PTPRM: variants seen among roughly 807,000 people sequenced by gnomAD.
PTPRM encodes protein tyrosine phosphatase receptor type M.
In PTPRM, 47 loss-of-function variants were observed where a neutral mutation model predicts 186.7. That is an observed-to-expected ratio of 0.25 (90% CI 0.20 to 0.32). The LOEUF is 0.32. PTPRM is among the 10% of genes least tolerant of loss of function. The pLI, the probability that PTPRM is intolerant of heterozygous loss-of-function variation, is 1.00. For missense variants in PTPRM, 1,494 were observed against 1,865.0 expected (o/e 0.80, Z 3.66); for synonymous variants, 668 against 674.9 (o/e 0.99, Z 0.16).
chr18:8,387,503 G>A (rs1362924301), intron 31 of PTPRM, among the ~76,000 whole-genome samples: 2 of 149,724 alleles, frequency 1.3e-5, no homozygotes. Flanking sequence ...ACTGCCAAGA[G>A]GAAAAAAAAA....
At chr18:8,351,203 T>C (rs1029978997) in intron 23 of PTPRM, among the ~76,000 whole-genome samples, 2 of 152,208 alleles carry the variant, frequency 1.3e-5, no homozygotes, top group Admixed American at 6.5e-5. Flanking sequence ...ACTGGCTATT[T>C]TATCTCCCTC....
chr18:7,941,163 G>A (rs1424718653), intron 5 of PTPRM, among the ~76,000 whole-genome samples: 2 of 152,086 alleles, frequency 1.3e-5, no homozygotes, highest in Admixed American at 6.5e-5. Context: ...GACTAGCCTG[G>A]TCTCCAGCTC....
chr18:8,166,358 C>T (rs1252852954), intron 14 of PTPRM, among the ~76,000 whole-genome samples: 6 of 152,118 alleles, frequency 3.9e-5, no homozygotes, highest in African/African-American at 1.4e-4. Context: ...TGAAGAAGAC[C>T]ATGCCCAGAG....
At chr18:7,583,366 C>T (rs753734310) in intron 1 of PTPRM, among the ~76,000 whole-genome samples, 3 of 152,194 alleles carry the variant, frequency 2.0e-5, no homozygotes, top group Non-Finnish European at 4.4e-5. Flanking sequence ...GGCCTCAACA[C>T]ATTTCAGGAT....
intron 14 of PTPRM, among the ~76,000 whole-genome samples, chr18:8,175,848 A>G (rs180746800): frequency 6.2e-4 from 94 of 152,298 alleles, no homozygotes; most frequent in Non-Finnish European, 1.1e-3. Flanking sequence ...TCACCGGCAG[A>G]GAATTAGGTT....
At chr18:8,341,805 A>G (rs1161410518) in intron 22 of PTPRM, among the ~76,000 whole-genome samples, 2 of 152,180 alleles carry the variant, frequency 1.3e-5, no homozygotes, top group African/African-American at 4.8e-5. Context: ...ACCTCTCTGC[A>G]AGCCAGAACT....
In PTPRM at chr18:7,812,721, G is replaced by GT. The variant is rs56916348; in HGVS notation, c.196+38465dup. The stretch of plus-strand genomic sequence containing the variant: ...AATGTTGAAAACTGAGACTTGGAAA[G>GT]TTTTTTTTTTTTTTTCTTTGACAGC... On this transcript the variant is annotated intron_variant, in intron 2 of 32. Coordinates refer to ENST00000580170, the MANE Select transcript of PTPRM (RefSeq NM_001105244.2). Among the ~76,000 whole-genome samples, 962 of 144,840 alleles carry GT rather than the reference G, an allele frequency of 6.6e-3. 1 individual carries two copies. Among genetic ancestry groups the GT allele is most frequent in the Non-Finnish European group, 7.6e-3 (494 of 65,382 alleles).
At position 7,938,402 on chromosome 18, in the gene PTPRM, C is replaced by G. The variant is rs1203060970; in HGVS notation, c.664-10779C>G. Among the ~76,000 whole-genome samples the G allele has an allele frequency of 1.3e-4, 20 of 152,190 alleles. 1 individual carries two copies. The highest frequency in any genetic ancestry group is 4.4e-5 in the Non-Finnish European group (3 of 68,032). On this transcript the variant is annotated intron_variant, in intron 5 of 32. Transcript: ENST00000580170. Reference sequence around the variant, plus strand: ...TTTAGATCATGTTTGAGAGGTAGCACAAGCACTGCCACTCTCCCCATACTA... The same window carrying G: ...TTTAGATCATGTTTGAGAGGTAGCAGAAGCACTGCCACTCTCCCCATACTA...
At chr18:8,170,421 TTTG>T (rs1367121744) in intron 14 of PTPRM, among the ~76,000 whole-genome samples, 3 of 152,008 alleles carry the variant, frequency 2.0e-5, no homozygotes, top group African/African-American at 7.2e-5. Context: ...GAGCTGAGCG[TTTG>T]TTGTTATTAA....
At chr18:7,801,226 A>G (rs2043950135) in intron 2 of PTPRM, among the ~76,000 whole-genome samples, 2 of 111,730 alleles carry the variant, frequency 1.8e-5, no homozygotes, top group Admixed American at 2.3e-4. Flanking sequence ...TTAAAACACA[A>G]ACATACAGCT....
rs2036459628 is a variant in PTPRM, at chr18:7,567,750, C to T, written c.-69C>T. 4 of 1,396,936 alleles carry T rather than the reference C, an allele frequency of 2.9e-6. No homozygotes were observed. The highest frequency in any genetic ancestry group is 2.8e-5 in the East Asian group (1 of 36,060). The allele number at this position is 1,396,936 out of a possible 1,614,324, so 86.5% of individuals were successfully genotyped here. On this transcript the variant is annotated 5_prime_UTR_variant, in exon 1 of 33. Transcript: ENST00000580170. This position sits in a 1 kb window ranked among gnomAD's most constrained non-coding sequence, Gnocchi z 4.3. ...TCCTCGCTGCCTCGGAACCAAAGCT[C>T]CCGGCCCCCTCCGCCCTCGCGCGCC...
intron 1 of PTPRM, among the ~76,000 whole-genome samples, chr18:7,637,529 T>C (rs1230309563): frequency 6.6e-6 from 1 of 152,236 alleles, no homozygotes; most frequent in Non-Finnish European, 1.5e-5. Flanking sequence ...AACAAATATT[T>C]ATTAGGCATC....
chr18:7,854,795 GT>G (rs1313493346), intron 2 of PTPRM, among the ~76,000 whole-genome samples: 5 of 148,080 alleles, frequency 3.4e-5, no homozygotes, highest in Admixed American at 2.0e-4. Flanking sequence ...TGACCTAGAA[GT>G]TTTCTGTGTA....
intron 2 of PTPRM, among the ~76,000 whole-genome samples, chr18:7,840,409 G>A (rs940980490): frequency 3.9e-5 from 6 of 152,156 alleles, no homozygotes; most frequent in African/African-American, 9.7e-5. Flanking sequence ...AAGGTGATTA[G>A]GCAAATTCTT....
rs373402318 is a variant in PTPRM, at chr18:7,663,894, C to T, written c.73+96003C>T. 2.0e-4 allele frequency among the ~76,000 whole-genome samples: 30 copies of T among 152,236 alleles called. 1 individual carries two copies. Among genetic ancestry groups the T allele is most frequent in the East Asian group, 1.9e-3 (10 of 5,168 alleles). On this transcript the variant is annotated intron_variant, in intron 1 of 32. Transcript: ENST00000580170. ...GACTAGCTGCCAGGTCCCTCTGCCC[C>T]CCTCCAGCCCCAGGACAGATGACTC...
At chr18:8,333,512 C>A (rs1226227576) in intron 22 of PTPRM, among the ~76,000 whole-genome samples, 1 of 152,126 alleles carries the variant, frequency 6.6e-6, no homozygotes, top group Non-Finnish European at 1.5e-5. Context: ...TCACATAAAG[C>A]TTTATAATAA....
At chr18:8,176,572 C>G (rs900852641) in intron 14 of PTPRM, among the ~76,000 whole-genome samples, 1 of 152,192 alleles carries the variant, frequency 6.6e-6, no homozygotes, top group Non-Finnish European at 1.5e-5. Flanking sequence ...AAAGAAAGTT[C>G]TCTGTTAATA....
chr18:7,772,264 C>CTT (rs1555673235), intron 1 of PTPRM, among the ~76,000 whole-genome samples: 1 of 151,304 alleles, frequency 6.6e-6, no homozygotes, highest in African/African-American at 2.4e-5. Flanking sequence ...CTTTTCTTTT[C>CTT]TTTTCTTTTC....
At chr18:8,187,328 T>A (rs2093655606) in intron 14 of PTPRM, among the ~76,000 whole-genome samples, 1 of 152,052 alleles carries the variant, frequency 6.6e-6, no homozygotes, top group Non-Finnish European at 1.5e-5. Context: ...GCAACATCTG[T>A]CTTGGGTCTG....
Sources: gnomAD v4.1 joint callset for allele counts (sites outside exome capture counted in the v4.1 genomes callset) on GRCh38, gnomAD v4.1.1 for gene constraint, Gnocchi (gnomAD v3.1) non-coding constraint, MANE v1.5 for transcripts, NCBI Gene and HGNC (gene_info 2026-07-23, HGNC 2026-07-21) for gene names.